Variants in TRAK1 observed in about 807,000 individuals in gnomAD.
The protein encoded by TRAK1 is trafficking kinesin-binding protein 1.
A neutral mutation model predicts 92.1 loss-of-function variants in TRAK1; 33 were observed. The ratio of observed to expected loss-of-function variants is 0.36; its 90% CI spans 0.27 to 0.48. The LOEUF (loss-of-function observed/expected upper bound fraction) is 0.48. Among genes scored for constraint, TRAK1 ranks in the 20% least tolerant of loss-of-function variants. TRAK1 has a pLI of 0.99. For missense variants in TRAK1, 1,123 were observed against 1,257.9 expected, an observed-to-expected ratio of 0.89 and a Z score of 1.62; for synonymous variants, 521 against 517.3, an observed-to-expected ratio of 1.01 and a Z score of -0.10.
intron 13 of TRAK1, among the ~76,000 whole-genome samples, chr3:42,208,057 G>A (rs1363817158): frequency 6.6e-6 from 1 of 152,162 alleles, no homozygotes; most frequent in Non-Finnish European, 1.5e-5. Flanking sequence ...AGTGGGGTAC[G>A]GGGCGCAAAA....
chr3:42,137,686 A>T (rs1169932308), intron 2 of TRAK1, among the ~76,000 whole-genome samples: 2 of 152,058 alleles, frequency 1.3e-5, no homozygotes, highest in Non-Finnish European at 2.9e-5. Flanking sequence ...GATGCACCTG[A>T]TCCCTGTGGA....
chr3:42,022,785 G>A (rs539363373), intron 1 of TRAK1, among the ~76,000 whole-genome samples: 1 of 151,846 alleles, frequency 6.6e-6, no homozygotes, highest in South Asian at 2.1e-4. Context: ...ACAATTGAGT[G>A]TTAACTTGCA....
chr3:42,035,578 A>G (rs887421851), intron 1 of TRAK1, among the ~76,000 whole-genome samples: 8 of 152,174 alleles, frequency 5.3e-5, no homozygotes, highest in African/African-American at 1.2e-4. Flanking sequence ...CGTTTTCCTG[A>G]CACTTCTTTT....
At chr3:42,057,570 G>A (rs972823497) in intron 1 of TRAK1, among the ~76,000 whole-genome samples, 3 of 152,282 alleles carry the variant, frequency 2.0e-5, no homozygotes, top group East Asian at 3.9e-4. Flanking sequence ...TGACTGGGCC[G>A]ATTGGGATCA....
At chr3:42,131,886 C>CA (rs1250830912) in intron 2 of TRAK1, among the ~76,000 whole-genome samples, 1 of 145,404 alleles carries the variant, frequency 6.9e-6, no homozygotes, top group Non-Finnish European at 1.5e-5. Context: ...GATGAAACCC[C>CA]ATCTCTACAA....
At position 42,131,785 on chromosome 3, in the gene TRAK1, T is replaced by C. The variant is rs142981312; in HGVS notation, c.286+6171T>C. Reference sequence around the variant, plus strand: ...AAAAAATACAATCCTTGGCCAGGCGTGGTGGCTCACGCCTGTAATCCCATC... The same window carrying C: ...AAAAAATACAATCCTTGGCCAGGCGCGGTGGCTCACGCCTGTAATCCCATC... On this transcript the variant is annotated intron_variant, in intron 2 of 15. Coordinates refer to ENST00000327628, the MANE Select transcript of TRAK1 (RefSeq NM_001042646.3). Among the ~76,000 whole-genome samples the C allele has an allele frequency of 2.7e-3, 396 of 148,624 alleles. 3 individuals are homozygous for C. Among genetic ancestry groups the C allele is most frequent in the African/African-American group, 9.2e-3 (373 of 40,334 alleles).
chr3:42,053,967 C>T (rs565663967), intron 1 of TRAK1, among the ~76,000 whole-genome samples: 1 of 152,254 alleles, frequency 6.6e-6, no homozygotes, highest in Admixed American at 6.5e-5. Flanking sequence ...ATTGGAATTT[C>T]TCTAAACACT....
At chr3:42,054,903 G>GTTTT (rs1703134580) in intron 1 of TRAK1, among the ~76,000 whole-genome samples, 1 of 54,148 alleles carries the variant, frequency 1.8e-5, no homozygotes, top group Admixed American at 2.0e-4. Flanking sequence ...CAGCAAACTA[G>GTTTT]ATTTTTTTTT....
chr3:42,172,831 G>A (rs550264137), intron 2 of TRAK1, among the ~76,000 whole-genome samples: 12 of 152,270 alleles, frequency 7.9e-5, no homozygotes, highest in African/African-American at 2.6e-4. Flanking sequence ...CTAGGAGATG[G>A]ACCATAATTT....
intron 4 of TRAK1, 198 bp downstream of exon 4, chr3:42,184,999 C>T: frequency 1.8e-6 from 1 of 553,216 alleles, no homozygotes; most frequent in South Asian, 2.6e-5. Flanking sequence ...GCTCCTGCTG[C>T]TGCTTGTGTC....
At chr3:42,207,269 G>T (rs576544449) in intron 13 of TRAK1, among the ~76,000 whole-genome samples, 17 of 152,332 alleles carry the variant, frequency 1.1e-4, no homozygotes, top group Middle Eastern at 3.4e-3. Context: ...GTGAGCATTT[G>T]TACTGGGGCC....
intron 10 of TRAK1, among the ~76,000 whole-genome samples, chr3:42,196,976 T>TC: frequency 3.9e-5 from 4 of 102,202 alleles, no homozygotes; most frequent in South Asian, 3.4e-4. Context: ...TCTCTCTCTC[T>TC]TTCTCTTTCT....
chr3:42,060,510 C>T (rs900781292), intron 1 of TRAK1, among the ~76,000 whole-genome samples: 1 of 151,680 alleles, frequency 6.6e-6, no homozygotes, highest in Non-Finnish European at 1.5e-5. Flanking sequence ...TTTTTCCAGG[C>T]GTGGTCCCTT....
chr3:42,146,159 C>T, intron 2 of TRAK1: 1 of 378,816 alleles, frequency 2.6e-6, no homozygotes, highest in Non-Finnish European at 5.2e-6. Context: ...ACCATTTCAT[C>T]TCAACAAGGA....
intron 10 of TRAK1, among the ~76,000 whole-genome samples, chr3:42,197,012 A>T (rs1327296391): frequency 3.0e-5 from 4 of 133,214 alleles, no homozygotes; most frequent in Non-Finnish European, 6.8e-5. Flanking sequence ...TCACACACAC[A>T]CACACACACA....
chr3:42,172,167 G>A (rs1364655084), intron 2 of TRAK1, among the ~76,000 whole-genome samples: 1 of 152,188 alleles, frequency 6.6e-6, no homozygotes, highest in East Asian at 1.9e-4. Context: ...CAGCTCCTAG[G>A]AGGGTGTTTC....
In TRAK1 at chr3:42,223,863, A is replaced by G; in HGVS notation, c.*126A>G. 3 of 1,136,810 alleles carry G rather than the reference A, an allele frequency of 2.6e-6. No homozygotes were observed. Among genetic ancestry groups the G allele is most frequent in the East Asian group, 2.5e-5 (1 of 39,690 alleles). The allele number at this position is 1,136,810 out of a possible 1,614,324, so 70.4% of individuals were successfully genotyped here. A position where few individuals can be genotyped will look rare whatever the true frequency, so the allele number is the denominator to read the frequency against. On this transcript the variant is annotated 3_prime_UTR_variant, in exon 16 of 16. Coordinates refer to ENST00000327628, the MANE Select transcript of TRAK1 (RefSeq NM_001042646.3). The surrounding 1 kb of genome is among the most constrained non-coding windows in gnomAD (Gnocchi z 6.1). Reference sequence around the variant, plus strand: ...TTCTCTGTCCACCCCCTCCTAAGCTAGACAAATCAACCTCGTGCCTAATGG... The same window carrying G: ...TTCTCTGTCCACCCCCTCCTAAGCTGGACAAATCAACCTCGTGCCTAATGG...
At chr3:42,124,626 C>G (rs1178538560) in intron 1 of TRAK1, among the ~76,000 whole-genome samples, 1 of 152,186 alleles carries the variant, frequency 6.6e-6, no homozygotes, top group Non-Finnish European at 1.5e-5. Flanking sequence ...GGTGGTGGAT[C>G]AAGGGTAGCT....
chr3:42,201,889 C>CGG (rs1559378265), intron 12 of TRAK1, among the ~76,000 whole-genome samples: 6 of 136,578 alleles, frequency 4.4e-5, no homozygotes, highest in South Asian at 4.7e-4. Flanking sequence ...GACGGACACA[C>CGG]ACACACACAC....
Sources: allele counts gnomAD v4.1 joint callset (sites outside exome capture counted in the v4.1 genomes callset), GRCh38; gene constraint gnomAD v4.1.1; non-coding constraint Gnocchi (gnomAD v3.1); transcripts MANE v1.5; gene names NCBI Gene and HGNC (gene_info 2026-07-23, HGNC 2026-07-21).